The following ANKRD29 variants were observed in gnomAD, a reference collection of about 807,000 sequenced individuals.
ANKRD29 encodes ankyrin repeat domain-containing protein 29.
ANKRD29 carries 32 observed loss-of-function variants against 38.0 expected under a neutral mutation model. The observed-to-expected ratio is 0.84, with a 90% CI of 0.64 to 1.13. The LOEUF is 1.13. ANKRD29 is among the 50% of genes most tolerant of loss of function. The pLI is 0.00. For missense variants in ANKRD29, 357 were observed against 377.9 expected (o/e 0.94, Z 0.46); for synonymous variants, 135 against 152.4 (o/e 0.89, Z 0.84).
chr18:23,627,405 G>T (rs1234141285), intron 6 of ANKRD29, among the ~76,000 whole-genome samples: 3 of 152,144 alleles, frequency 2.0e-5, no homozygotes, highest in African/African-American at 4.8e-5. Flanking sequence ...TGACCAGAGG[G>T]TGGATCCCTG....
chr18:23,617,145 AG>A (rs1367779696), intron 8 of ANKRD29, among the ~76,000 whole-genome samples: 1 of 152,186 alleles, frequency 6.6e-6, no homozygotes, highest in Non-Finnish European at 1.5e-5. Context: ...TGAACCTGGG[AG>A]GCAGAGGTTG....
At position 23,629,903 on chromosome 18, in the gene ANKRD29, C is replaced by T. The variant is rs1470537146; in HGVS notation, c.478G>A (p.Val160Ile). ...FLAAQGGYLDVIRLLLASGAK... is the reference protein window; with the variant it reads ...FLAAQGGYLDIIRLLLASGAK... ...CCTGAAGCCAGCAGTAATCGAATAA[C>T]ATCCAAGTAACCACCTTGGGCAGCT... The change falls in exon 6 of 10, where the codon GTT becomes ATT. Residue 160 changes from valine to isoleucine, a missense_variant. By Grantham distance (29) the Val-to-Ile change is conservative (BLOSUM62 3). Transcript: ENST00000592179. The T allele has an allele frequency of 6.2e-7, 1 of 1,614,192 alleles. No homozygotes were observed. Among genetic ancestry groups the T allele is most frequent in the East Asian group, 2.2e-5 (1 of 44,892 alleles).
At chr18:23,617,691 C>G in intron 8 of ANKRD29, 41 bp downstream of exon 8, 1 of 1,556,516 alleles carries the variant, frequency 6.4e-7, no homozygotes, top group Non-Finnish European at 8.9e-7. Flanking sequence ...ACTTTCTAAC[C>G]TCTCTCTTAC....
chr18:23,606,179 G>GCACAA (rs2059572670), intron 9 of ANKRD29, among the ~76,000 whole-genome samples: 3 of 152,216 alleles, frequency 2.0e-5, no homozygotes, highest in Non-Finnish European at 4.4e-5. Flanking sequence ...GCACAATCAT[G>GCACAA]TAGCTCACTG....
At position 23,617,821 on chromosome 18, in the gene ANKRD29, T is replaced by G. The variant is rs1176252491; in HGVS notation, c.634A>C (p.Thr212Pro). 6.2e-7 allele frequency: 1 copy of G among 1,613,722 alleles called. No individual in the cohort carries two copies. Among genetic ancestry groups the G allele is most frequent in the East Asian group, 2.2e-5 (1 of 44,876 alleles). ...ADRDAARNDGTTALLKAANKG... is the reference protein window; with the variant it reads ...ADRDAARNDGPTALLKAANKG... ...TTGGCTGCTTTCAATAATGCTGTTG[T>G]GCCATCCTTAACAGAAAGAGGAAAA... is the stretch of plus-strand genomic sequence containing the variant. The change falls in exon 8 of 10, where the codon ACA becomes CCA. Residue 212 changes from threonine (T) to proline (P), a missense_variant. Thr to Pro is a conservative substitution (Grantham distance 38). Coordinates refer to ENST00000592179, the MANE Select transcript of ANKRD29 (RefSeq NM_173505.4).
At chr18:23,652,402 G>A (rs552264934) in intron 1 of ANKRD29, among the ~76,000 whole-genome samples, 1 of 152,254 alleles carries the variant, frequency 6.6e-6, no homozygotes, top group East Asian at 1.9e-4. Flanking sequence ...CCATCACACT[G>A]TTCTGCCTCC....
chr18:23,662,773 G>T lies in ANKRD29; in HGVS notation c.-43C>A. 1 of 1,445,628 alleles carries T rather than the reference G, an allele frequency of 6.9e-7. No individual in the cohort carries two copies. The highest frequency in any genetic ancestry group is 1.5e-5 in the African/African-American group (1 of 67,804). 89.6% of individuals were successfully genotyped at this position (1,445,628 alleles called of 1,614,324 possible). A position where few individuals can be genotyped will look rare whatever the true frequency, so the allele number is the denominator to read the frequency against. On this transcript the variant is annotated 5_prime_UTR_variant, in exon 1 of 10. Transcript: ENST00000592179. ...CGGGAGCCGGCGCGCTTTGGGCCCG[G>T]GGCGCCTTGTCCTCCCCGGCCCTTC...
At chr18:23,642,733 AG>A (rs559098900) in intron 3 of ANKRD29, among the ~76,000 whole-genome samples, 8 of 152,366 alleles carry the variant, frequency 5.3e-5, no homozygotes, top group Non-Finnish European at 1.0e-4. Flanking sequence ...GAAACTATCC[AG>A]AAGTTCTCAC....
At chr18:23,649,433 C>T in intron 1 of ANKRD29, 2 of 693,710 alleles carry the variant, frequency 2.9e-6, no homozygotes, top group South Asian at 3.0e-5. Context: ...CTATTAATAA[C>T]CTATTTCCCA....
In ANKRD29 at chr18:23,662,861, C is replaced by T. The variant is rs1049240475; in HGVS notation, c.-131G>A. ...CCTCCGACGCCGCGCGCTCCCGCCGCCCGGCCCGGCAGCAGCCGCCGCACA... is the reference window on the plus strand; with the variant it reads ...CCTCCGACGCCGCGCGCTCCCGCCGTCCGGCCCGGCAGCAGCCGCCGCACA... On this transcript the variant is annotated 5_prime_UTR_variant, in exon 1 of 10. Coordinates refer to ENST00000592179, the MANE Select transcript of ANKRD29 (RefSeq NM_173505.4). 3.5e-6 allele frequency: 3 copies of T among 860,566 alleles called. No homozygotes were observed. The highest frequency in any genetic ancestry group is 3.6e-5 in the African/African-American group (2 of 55,024). 53.3% of individuals were successfully genotyped at this position (860,566 alleles called of 1,614,324 possible).
chr18:23,659,260 G>A (rs1431886125), intron 1 of ANKRD29, among the ~76,000 whole-genome samples: 2 of 152,320 alleles, frequency 1.3e-5, no homozygotes, highest in Admixed American at 6.5e-5. Flanking sequence ...TTACAGGGAT[G>A]AGCCACTGTG....
intron 1 of ANKRD29, among the ~76,000 whole-genome samples, chr18:23,655,843 C>T (rs1278614802): frequency 2.0e-5 from 3 of 149,908 alleles, no homozygotes; most frequent in African/African-American, 4.9e-5. Context: ...CCTGTAATCC[C>T]AGCACTTTGG....
At chr18:23,644,334 G>A (rs2060112780) in intron 3 of ANKRD29, among the ~76,000 whole-genome samples, 1 of 152,106 alleles carries the variant, frequency 6.6e-6, no homozygotes, top group Admixed American at 6.5e-5. Context: ...GGACCATATT[G>A]TTTTTATTAG....
intron 3 of ANKRD29, among the ~76,000 whole-genome samples, chr18:23,643,322 C>T (rs1035894850): frequency 2.6e-5 from 4 of 152,202 alleles, no homozygotes; most frequent in Non-Finnish European, 5.9e-5. Context: ...TGCTTTATTA[C>T]AGTTGATGAT....
At position 23,617,771 on chromosome 18, in the gene ANKRD29, T is replaced by C. The variant is rs1405302853; in HGVS notation, c.684A>G (p.Lys228=). ...AANKGYNDVI[K]ELLKFSPTLG... is the part of the protein sequence containing the mutation. ...GAGTGGGTGAGAATTTAAGCAACTC[T>C]TTTATGACATCATTATACCCTTTGT... Residue 228 remains lysine, a synonymous_variant, in exon 8 of 10, where the codon AAA becomes AAG. Coordinates refer to ENST00000592179, the MANE Select transcript of ANKRD29 (RefSeq NM_173505.4). 6.2e-7 allele frequency: 1 copy of C among 1,614,132 alleles called. No individual in the cohort carries two copies. Among genetic ancestry groups the C allele is most frequent in the Non-Finnish European group, 8.5e-7 (1 of 1,179,994 alleles).
intron 9 of ANKRD29, among the ~76,000 whole-genome samples, chr18:23,610,501 G>T (rs901071012): frequency 2.0e-5 from 3 of 151,932 alleles, no homozygotes; most frequent in African/African-American, 7.3e-5. Flanking sequence ...CAACAGAAAA[G>T]TTTGTAGTTT....
chr18:23,615,892 T>TTATATTATATAGTATATAC (rs2059704282), intron 8 of ANKRD29, among the ~76,000 whole-genome samples: 1 of 147,874 alleles, frequency 6.8e-6, no homozygotes, highest in East Asian at 1.9e-4. Context: ...ATAGTATATA[T>TTATATTATATAGTATATAC]TTATATTATA....
At chr18:23,603,537 G>A (rs1229944681) in intron 9 of ANKRD29, among the ~76,000 whole-genome samples, 1 of 152,230 alleles carries the variant, frequency 6.6e-6, no homozygotes, top group Admixed American at 6.5e-5. Flanking sequence ...GGAGGCTGAG[G>A]CAGGAGAATC....
intron 9 of ANKRD29, 101 bp from the exon 10 acceptor site, chr18:23,601,410 GA>G (rs1435501128): frequency 6.9e-6 from 6 of 873,404 alleles, no homozygotes; most frequent in East Asian, 2.6e-5. Flanking sequence ...CTTCACTAAT[GA>G]AAAAAATCCA....
Sources: allele counts gnomAD v4.1 joint callset (sites outside exome capture counted in the v4.1 genomes callset), GRCh38; gene constraint gnomAD v4.1.1; transcripts MANE v1.5; gene names NCBI Gene and HGNC (gene_info 2026-07-23, HGNC 2026-07-21).